Variants in TOGARAM2 observed in about 807,000 individuals in gnomAD.
TOGARAM2 encodes TOG array regulator of axonemal microtubules 2.
TOGARAM2 carries 85 observed loss-of-function variants against 93.3 expected under a neutral mutation model. That is an observed-to-expected ratio of 0.91 (90% CI 0.76 to 1.09). TOGARAM2 has a LOEUF of 1.09. Among genes scored for constraint, TOGARAM2 ranks in the 50% least tolerant of loss-of-function variants. TOGARAM2 has a pLI of 0.00. For synonymous variants in TOGARAM2, 593 were observed against 552.8 expected, an observed-to-expected ratio of 1.07 and a Z score of -1.02; for missense variants, 1,277 against 1,334.5, an observed-to-expected ratio of 0.96 and a Z score of 0.67.
upstream of TOGARAM2, among the ~76,000 whole-genome samples, chr2:28,976,310 G>A (rs1464280500): frequency 1.3e-5 from 2 of 152,218 alleles, no homozygotes; most frequent in Non-Finnish European, 1.5e-5. Flanking sequence ...GGCGGAGCTT[G>A]CAGTGAGCTG....
chr2:29,051,951 C>T lies in TOGARAM2; in HGVS notation c.2918C>T (p.Ala973Val). ...GGCTCCCGCCTGCTGGACTTTGCCGCCAGCCAGCCAAAGCACGTCCTCAAG... is the reference window on the plus strand; with the variant it reads ...GGCTCCCGCCTGCTGGACTTTGCCGTCAGCCAGCCAAAGCACGTCCTCAAG... ...HMGSRLLDFA[A>V]SQPKHVLKTL... is the part of the protein sequence containing the mutation. The change falls in exon 20 of 20, where the codon GCC (alanine) becomes GTC (valine). Residue 973 changes from alanine to valine, a missense_variant. Coordinates refer to ENST00000379558, the MANE Select transcript of TOGARAM2 (RefSeq NM_199280.4). The T allele has an allele frequency of 6.2e-7, 1 of 1,609,436 alleles. No individual in the cohort carries two copies. Among genetic ancestry groups the T allele is most frequent in the South Asian group, 1.1e-5 (1 of 90,248 alleles).
In TOGARAM2 at chr2:28,999,365, T is replaced by C. The variant is rs1187740480; in HGVS notation, c.324T>C (p.Pro108=). The change falls in exon 4 of 20, where the codon CCT becomes CCC. Residue 108 remains proline, a synonymous_variant. Coordinates refer to ENST00000379558, the MANE Select transcript of TOGARAM2 (RefSeq NM_199280.4). ...GGGACCAGCCCCTGGTGCTCCTCCC[T>C]TCTCCGGAGTCAGAGGCCAACAGCG... The part of the protein sequence containing the change: ...SLGDQPLVLL[P]SPESEANSVA... 7 of 1,613,378 alleles carry C rather than the reference T, an allele frequency of 4.3e-6. No homozygotes were observed.
chr2:29,024,120 C>T lies in TOGARAM2; in HGVS notation c.1618-19C>T, dbSNP rs1001886386. On this transcript the variant is annotated intron_variant, in intron 12 of 19. Transcript: ENST00000379558. ...TGGCAGGGTCCAGCACCCTGGAGGGCCTCTCTCCTCTCTCCAAGGTCACCA... is the reference window on the plus strand; with the variant it reads ...TGGCAGGGTCCAGCACCCTGGAGGGTCTCTCTCCTCTCTCCAAGGTCACCA... The T allele has an allele frequency of 1.4e-5, 21 of 1,553,130 alleles. No homozygotes were observed. The highest frequency in any genetic ancestry group is 1.8e-5 in the Non-Finnish European group (21 of 1,147,114).
At chr2:29,014,310 C>G (rs1027801661) in intron 7 of TOGARAM2, 85 bp from the exon 8 acceptor site, 5 of 1,466,116 alleles carry the variant, frequency 3.4e-6, no homozygotes, top group Non-Finnish European at 4.6e-6. Flanking sequence ...TGGGGCTTAG[C>G]AGTAGAATTG....
chr2:29,048,107 C>T (rs917336322), intron 19 of TOGARAM2: 1 of 152,180 alleles, frequency 6.6e-6, no homozygotes, highest in African/African-American at 2.4e-5. Flanking sequence ...AATCATGCCA[C>T]TCATCTTACA....
chr2:29,042,961 C>A (rs1666522717), intron 18 of TOGARAM2, among the ~76,000 whole-genome samples: 1 of 152,216 alleles, frequency 6.6e-6, no homozygotes. Flanking sequence ...TTTACCTTGG[C>A]CTATCCTTGA....
intron 16 of TOGARAM2, 87 bp downstream of exon 16, chr2:29,033,650 G>T: frequency 4.7e-6 from 6 of 1,273,564 alleles, no homozygotes; most frequent in Non-Finnish European, 6.7e-6. Flanking sequence ...GTGGCTCTGG[G>T]GTGGACATAT....
chr2:29,051,441 C>T, intron 19 of TOGARAM2: 1 of 206,042 alleles, frequency 4.9e-6, no homozygotes, highest in Non-Finnish European at 9.6e-6. Flanking sequence ...CTGGAGGAAC[C>T]ATTATGATTG....
chr2:29,022,057 T>A, intron 10 of TOGARAM2, 101 bp from the exon 11 acceptor site: 1 of 1,499,512 alleles, frequency 6.7e-7, no homozygotes, highest in South Asian at 1.2e-5. Flanking sequence ...GGGCTCAGGG[T>A]GGTGGCACGG....
intron 6 of TOGARAM2, among the ~76,000 whole-genome samples, chr2:29,006,654 T>C (rs531420669): frequency 1.1e-4 from 16 of 152,246 alleles, no homozygotes; most frequent in African/African-American, 3.9e-4. Context: ...CCCTGGTGCC[T>C]TCCCTCTGTG....
In TOGARAM2 at chr2:29,035,486, C is replaced by A; in HGVS notation, c.2248C>A (p.Leu750Met). The A allele has an allele frequency of 6.8e-7, 1 of 1,467,282 alleles. No individual in the cohort carries two copies. The highest frequency in any genetic ancestry group is 9.1e-7 in the Non-Finnish European group (1 of 1,102,896). The allele number at this position is 1,467,282 out of a possible 1,614,324, so 90.9% of individuals were successfully genotyped here. The change falls in exon 17 of 20, where the codon CTG (leucine) becomes ATG (methionine). Residue 750 changes from leucine to methionine, a missense_variant. Coordinates refer to ENST00000379558, the MANE Select transcript of TOGARAM2 (RefSeq NM_199280.4). ...TAGGCTCAGCTGCAATGGCCCAAGG[C>A]TGGTGGGGCTGCGCTCCACACTGCA... is the stretch of plus-strand genomic sequence containing the variant. The part of the protein sequence containing the change: ...KEGLSCNGPR[L>M]VGLRSTLQGR...
intron 1 of TOGARAM2, among the ~76,000 whole-genome samples, chr2:28,992,607 G>A (rs1373147507): frequency 6.6e-6 from 1 of 152,160 alleles, no homozygotes; most frequent in Non-Finnish European, 1.5e-5. Flanking sequence ...CAGGCGGCTC[G>A]AGTCTTCTTT....
intron 1 of TOGARAM2, among the ~76,000 whole-genome samples, chr2:28,968,840 AC>A (rs141395248): frequency 0.41 from 51,166 of 126,256 alleles, 9,662 homozygotes; most frequent in Middle Eastern, 0.52. Context: ...AAAAAAAAAA[AC>A]AAGGAAAAAG....
intron 1 of TOGARAM2, among the ~76,000 whole-genome samples, chr2:28,971,448 G>A (rs542818672): frequency 5.5e-4 from 84 of 152,252 alleles, no homozygotes; most frequent in African/African-American, 1.9e-3. Context: ...CCCAGCTCAA[G>A]CAATCCTCCT....
intron 18 of TOGARAM2, among the ~76,000 whole-genome samples, chr2:29,043,785 A>G (rs1305627567): frequency 6.6e-6 from 1 of 152,220 alleles, no homozygotes; most frequent in Non-Finnish European, 1.5e-5. Flanking sequence ...TTCTCAGCTT[A>G]GCACACCTTT....
At chr2:29,038,170 C>T (rs1409856226) in intron 18 of TOGARAM2, among the ~76,000 whole-genome samples, 1 of 152,104 alleles carries the variant, frequency 6.6e-6, no homozygotes, top group Non-Finnish European at 1.5e-5. Context: ...AAAGGAGAGC[C>T]TGGGGGTGGC....
intron 7 of TOGARAM2, among the ~76,000 whole-genome samples, chr2:29,013,727 C>CTGAT (rs1664389627): frequency 6.6e-6 from 1 of 152,260 alleles, no homozygotes; most frequent in South Asian, 2.1e-4. Context: ...CAGCTAGCAG[C>CTGAT]TGATTGGATG....
In TOGARAM2 at chr2:29,014,458, CT is replaced by C; in HGVS notation, c.946del (p.Ser316LeufsTer7). 2 of 1,606,292 alleles carry C rather than the reference CT, an allele frequency of 1.2e-6. No individual in the cohort carries two copies. The highest frequency in any genetic ancestry group is 1.1e-5 in the South Asian group (1 of 89,086). On this transcript the variant is annotated frameshift_variant, in exon 8 of 20. Coordinates refer to ENST00000379558, the MANE Select transcript of TOGARAM2 (RefSeq NM_199280.4). LOFTEE classifies it high-confidence loss of function. ...RPAAAKKPAL[P>X]FSQSAPTLTA... ...GCCGCTGCCAAGAAGCCTGCCCTGC[CT>C]TTTTCTCAGTCTGCTCCCACGCTGA...
intron 1 of TOGARAM2, among the ~76,000 whole-genome samples, chr2:28,958,430 C>T (rs772418704): frequency 1.7e-4 from 26 of 151,918 alleles, no homozygotes; most frequent in African/African-American, 4.6e-4. Context: ...TTCAGCCTCC[C>T]GAGTAGCTGG....
Sources: gnomAD v4.1 joint callset for allele counts (sites outside exome capture counted in the v4.1 genomes callset) on GRCh38, gnomAD v4.1.1 for gene constraint, MANE v1.5 for transcripts, NCBI Gene and HGNC (gene_info 2026-07-23, HGNC 2026-07-21) for gene names.